DLL4: variants seen among roughly 807,000 people sequenced by gnomAD.
DLL4 encodes delta-like protein 4.
In DLL4, 7 loss-of-function variants were observed where a neutral mutation model predicts 73.6. The observed-to-expected ratio is 0.10, with a 90% CI of 0.05 to 0.18. The LOEUF (loss-of-function observed/expected upper bound fraction) is 0.18. Among genes scored for constraint, DLL4 ranks in the 10% least tolerant of loss-of-function variants. The probability of loss-of-function intolerance (pLI) is 1.00; values close to 1 mark genes in which losing one functional copy is unlikely to be tolerated. For synonymous variants in DLL4, 345 were observed against 374.3 expected, an observed-to-expected ratio of 0.92 and a Z score of 0.90; for missense variants, 614 against 929.9, an observed-to-expected ratio of 0.66 and a Z score of 4.42.
rs1251444751 is a variant in DLL4, at chr15:40,936,833, A to T, written c.1846A>T (p.Asn616Tyr). Residue 616 changes from asparagine (N) to tyrosine (Y), a missense_variant, in exon 9 of 11, where the codon AAT becomes TAT. Asn to Tyr is a moderately radical substitution (Grantham distance 143, BLOSUM62 -2). Transcript: ENST00000249749. ...ACAGCAAAACCACACATTGGACTAT[A>T]ATCTGGCCCCAGGGCCCCTGGGGCG... ...GKQQNHTLDY[N>Y]LAPGPLGRGT... 1 of 1,613,476 alleles carries T rather than the reference A, an allele frequency of 6.2e-7. No homozygotes were observed.
rs1210730074 is a variant in DLL4, at chr15:40,935,180, A to T, written c.1240+63A>T. 8.6e-5 allele frequency: 128 copies of T among 1,484,080 alleles called. 1 individual carries two copies. The highest frequency in any genetic ancestry group is 4.5e-5 in the Non-Finnish European group (49 of 1,095,364). The allele number at this position is 1,484,080 out of a possible 1,614,324, so 91.9% of individuals were successfully genotyped here. ...CTGGGGCTGAGAGAGACTTCTGGTG[A>T]GGGAGGGTCAGGAGAGGAGCGAGGC... On this transcript the variant is annotated intron_variant, in intron 8 of 10. Coordinates refer to ENST00000249749, the MANE Select transcript of DLL4 (RefSeq NM_019074.4).
At position 40,937,486 on chromosome 15, in the gene DLL4, T is replaced by TG; in HGVS notation, c.2013dup (p.Ile672AspfsTer7). The TG allele has an allele frequency of 6.2e-7, 1 of 1,613,714 alleles. No homozygotes were observed. Among genetic ancestry groups the TG allele is most frequent in the Middle Eastern group, 1.6e-4 (1 of 6,062 alleles). The stretch of plus-strand genomic sequence containing the variant: ...GACTCCATGTACCAGTCTGTGTGTT[T>TG]GATATCAGAGGAGAGGAATGAATGT... On this transcript the variant is annotated frameshift_variant, in exon 10 of 11. Transcript: ENST00000249749. LOFTEE classifies it high-confidence loss of function.
chr15:40,938,006 C>T (rs1196027251), intron 10 of DLL4, 23 bp from the exon 11 acceptor site: 6 of 1,602,788 alleles, frequency 3.7e-6, no homozygotes, highest in Middle Eastern at 1.7e-4. Flanking sequence ...TAACCTGTTT[C>T]CCTGCCTTCC....
chr15:40,930,806 G>A lies in DLL4; in HGVS notation c.394+124G>A. On this transcript the variant is annotated intron_variant, in intron 3 of 10. Transcript: ENST00000249749. The surrounding 1 kb of genome is among the most constrained non-coding windows in gnomAD (Gnocchi z 5.7). The stretch of plus-strand genomic sequence containing the variant: ...GGCAGGACGCTTAGCTTGGCCTGGA[G>A]CTGCGCCCCGCGCTGGACGCTCGGA... The A allele has an allele frequency of 1.0e-6, 1 of 962,902 alleles. No homozygotes were observed. Among genetic ancestry groups the A allele is most frequent in the South Asian group, 1.5e-5 (1 of 65,666 alleles). 59.6% of individuals were successfully genotyped at this position (962,902 alleles called of 1,614,324 possible). A position where few individuals can be genotyped will look rare whatever the true frequency, so the allele number is the denominator to read the frequency against.
In DLL4 at chr15:40,929,678, G is replaced by C; in HGVS notation, c.10G>C (p.Ala4Pro). ...AGCGACGCCCGAGGGGATGGCGGCA[G>C]CGTCCCGGAGCGCCTCTGGCTGGGC... MAA[A>P]SRSASGWALL... The change falls in exon 1 of 11, where the codon GCG becomes CCG. Residue 4 changes from alanine (A) to proline (P), a missense_variant. Physicochemically the swap from Ala to Pro is conservative, Grantham distance 27. This residue lies in a region of DLL4 where 227 missense variants were observed against 370.8 expected (regional missense o/e 0.61). Coordinates refer to ENST00000249749, the MANE Select transcript of DLL4 (RefSeq NM_019074.4). This position sits in a 1 kb window ranked among gnomAD's most constrained non-coding sequence, Gnocchi z 7.1. 1 of 1,552,896 alleles carries C rather than the reference G, an allele frequency of 6.4e-7. No homozygotes were observed. Among genetic ancestry groups the C allele is most frequent in the South Asian group, 1.2e-5 (1 of 84,054 alleles).
intron 9 of DLL4, 131 bp from the exon 10 acceptor site, chr15:40,937,287 C>T: frequency 1.4e-6 from 1 of 729,208 alleles, no homozygotes; most frequent in Non-Finnish European, 2.4e-6. Context: ...AGCAGCCCAG[C>T]ACTGGGCACG....
rs1892782585 is a variant in DLL4, at chr15:40,932,342, C to G, written c.745C>G (p.Leu249Val). The change falls in exon 6 of 11, where the codon CTG becomes GTG. Residue 249 changes from leucine to valine, a missense_variant. Leu to Val is a conservative substitution (Grantham distance 32, BLOSUM62 1). Coordinates refer to ENST00000249749, the MANE Select transcript of DLL4 (RefSeq NM_019074.4). The part of the protein sequence containing the change: ...CLCRPGWQGR[L>V]CNECIPHNGC... ...CTGCCGCCCAGGCTGGCAGGGCCGGCTGTGTAACGAATGCATCCCCCACAA... is the reference window on the plus strand; with the variant it reads ...CTGCCGCCCAGGCTGGCAGGGCCGGGTGTGTAACGAATGCATCCCCCACAA... 1.2e-6 allele frequency: 2 copies of G among 1,613,910 alleles called. No individual in the cohort carries two copies. The highest frequency in any genetic ancestry group is 1.3e-5 in the African/African-American group (1 of 74,950).
At position 40,931,618 on chromosome 15, in the gene DLL4, T is replaced by C. The variant is rs775140182; in HGVS notation, c.510T>C (p.Ser170=). Residue 170 remains serine, a synonymous_variant, in exon 4 of 11, where the codon TCT becomes TCC. Coordinates refer to ENST00000249749, the MANE Select transcript of DLL4 (RefSeq NM_019074.4). ...QTSTLTRLRY[S]YRVICSDNYY... ...GCACCCTCACAAGGCTGCGCTACTC[T>C]TACCGGGTCATCTGCAGTGACAACT... is the stretch of plus-strand genomic sequence containing the variant. 4.3e-6 allele frequency: 7 copies of C among 1,613,264 alleles called. No homozygotes were observed. The highest frequency in any genetic ancestry group is 5.1e-6 in the Non-Finnish European group (6 of 1,179,642).
chr15:40,938,348 T>G lies in DLL4; in HGVS notation c.*314T>G, dbSNP rs903925081. 1 of 285,008 alleles carries G rather than the reference T, an allele frequency of 3.5e-6. No individual in the cohort carries two copies. Among genetic ancestry groups the G allele is most frequent in the African/African-American group, 2.2e-5 (1 of 45,902 alleles). The allele number at this position is 285,008 out of a possible 1,614,324, so 17.7% of individuals were successfully genotyped here. ...CTCCTTCCGGGGCTCCGGCCTGTTTTCCAGAGAGAGTGGCAGTAGCCCCAT... is the reference window on the plus strand; with the variant it reads ...CTCCTTCCGGGGCTCCGGCCTGTTTGCCAGAGAGAGTGGCAGTAGCCCCAT... On this transcript the variant is annotated 3_prime_UTR_variant, in exon 11 of 11. Coordinates refer to ENST00000249749, the MANE Select transcript of DLL4 (RefSeq NM_019074.4).
Position 40,930,568 on chromosome 15 carries a change from C to T in DLL4, c.337-57C>T. The T allele has an allele frequency of 1.4e-6, 2 of 1,449,574 alleles. No homozygotes were observed. The highest frequency in any genetic ancestry group is 1.9e-6 in the Non-Finnish European group (2 of 1,034,764). 89.8% of individuals were successfully genotyped at this position (1,449,574 alleles called of 1,614,324 possible). ...TAAACAGGCTGCCGCAAGGCACCCC[C>T]ACCTCTCCCCGCTTGCTCATCTCGC... On this transcript the variant is annotated intron_variant, in intron 2 of 10. Coordinates refer to ENST00000249749, the MANE Select transcript of DLL4 (RefSeq NM_019074.4). This position sits in a 1 kb window ranked among gnomAD's most constrained non-coding sequence, Gnocchi z 5.7.
intron 6 of DLL4, among the ~76,000 whole-genome samples, chr15:40,933,807 G>T (rs1217546641): frequency 6.6e-6 from 1 of 152,030 alleles, no homozygotes; most frequent in Non-Finnish European, 1.5e-5. Context: ...GTGATTCAAG[G>T]TGCTTTAAGA....
chr15:40,934,425 G>A, intron 6 of DLL4, 123 bp from the exon 7 acceptor site: 1 of 844,814 alleles, frequency 1.2e-6, no homozygotes, highest in Non-Finnish European at 1.8e-6. Flanking sequence ...GGATGTTTGG[G>A]CCTGGGAGAC....
Position 40,938,130 on chromosome 15 carries a change from G to A in DLL4, c.*96G>A. 7.5e-7 allele frequency: 1 copy of A among 1,330,022 alleles called. No homozygotes were observed. The highest frequency in any genetic ancestry group is 1.0e-6 in the Non-Finnish European group (1 of 1,001,262). The allele number at this position is 1,330,022 out of a possible 1,614,324, so 82.4% of individuals were successfully genotyped here. ...ATCCTGGATGGGACGTTTTTCATAT[G>A]CAACGTGCTGCTCTCAGGAGGAGGA... On this transcript the variant is annotated 3_prime_UTR_variant, in exon 11 of 11. Transcript: ENST00000249749.
Position 40,938,060 on chromosome 15 carries a change from G to A in DLL4, c.*26G>A. On this transcript the variant is annotated 3_prime_UTR_variant, in exon 11 of 11. Transcript: ENST00000249749. ...GGCAGGAGCCTACCTGGACATCCCT[G>A]CTCAGCCCCGCGGCTGGACCTTCCT... The A allele has an allele frequency of 1.3e-6, 2 of 1,540,654 alleles. No individual in the cohort carries two copies. Among genetic ancestry groups the A allele is most frequent in the Middle Eastern group, 1.7e-4 (1 of 5,718 alleles).
Position 40,930,005 on chromosome 15 carries a change from C to T in DLL4, c.225C>T (p.Thr75=). 1 of 1,613,054 alleles carries T rather than the reference C, an allele frequency of 6.2e-7. No individual in the cohort carries two copies. The highest frequency in any genetic ancestry group is 8.5e-7 in the Non-Finnish European group (1 of 1,179,732). ...FQAVVSPGPC[T]FGTVSTPVLG... ...CGGTCGTCTCGCCCGGACCCTGCAC[C>T]TTCGGGACCGTCTCCACGCCGGTAT... The change falls in exon 2 of 11, where the codon ACC becomes ACT. Residue 75 remains threonine, a synonymous_variant. Transcript: ENST00000249749. This position sits in a 1 kb window ranked among gnomAD's most constrained non-coding sequence, Gnocchi z 5.7.
In DLL4 at chr15:40,937,361, C is replaced by T. The variant is rs1892859566; in HGVS notation, c.1944-57C>T. 4 of 1,257,230 alleles carry T rather than the reference C, an allele frequency of 3.2e-6. No individual in the cohort carries two copies. In the East Asian group the frequency reaches 9.3e-5, roughly 29 times the overall value. 77.9% of individuals were successfully genotyped at this position (1,257,230 alleles called of 1,614,324 possible). A position where few individuals can be genotyped will look rare whatever the true frequency, so the allele number is the denominator to read the frequency against. On this transcript the variant is annotated intron_variant, in intron 9 of 10. Coordinates refer to ENST00000249749, the MANE Select transcript of DLL4 (RefSeq NM_019074.4). The stretch of plus-strand genomic sequence containing the variant: ...TGCCCTTTGGCTCTCCAGGGTCCTC[C>T]CTCCCCCCAAGCCTCTCCCCGTCCC...
Position 40,932,568 on chromosome 15 carries a change from C to T in DLL4, c.850+121C>T, listed in dbSNP as rs546330012. The T allele has an allele frequency of 1.1e-5, 15 of 1,312,588 alleles. No individual in the cohort carries two copies. In the Admixed American group the frequency reaches 3.1e-4, roughly 27 times the overall value. The allele number at this position is 1,312,588 out of a possible 1,614,324, so 81.3% of individuals were successfully genotyped here. A position where few individuals can be genotyped will look rare whatever the true frequency, so the allele number is the denominator to read the frequency against. ...ACTGCAGACTTGGCTTTCCCATGAT[C>T]TTCCAAGGATCTTGGGTCTTTTAAG... On this transcript the variant is annotated intron_variant, in intron 6 of 10. Coordinates refer to ENST00000249749, the MANE Select transcript of DLL4 (RefSeq NM_019074.4).
rs1892850472 is a variant in DLL4 at position 40,936,669 on chromosome 15, A to T, written c.1682A>T (p.Asp561Val). 1 of 1,612,886 alleles carries T rather than the reference A, an allele frequency of 6.2e-7. No individual in the cohort carries two copies. Among genetic ancestry groups the T allele is most frequent in the Non-Finnish European group, 8.5e-7 (1 of 1,179,874 alleles). ...CGGCAGCTGCGGCTTCGACGGCCGG[A>T]CGACGGCAGCAGGGAAGCCATGAAC... is the stretch of plus-strand genomic sequence containing the variant. Reference protein sequence around the residue: ...AVRQLRLRRPDDGSREAMNNL... With the variant: ...AVRQLRLRRPVDGSREAMNNL... Residue 561 changes from aspartate (D) to valine (V), a missense_variant, in exon 9 of 11, where the codon GAC becomes GTC. Around this residue, in one of 3 missense-constraint regions of DLL4, gnomAD observed 386 missense variants for 541.3 expected, o/e 0.71. Coordinates refer to ENST00000249749, the MANE Select transcript of DLL4 (RefSeq NM_019074.4).
intron 4 of DLL4, among the ~76,000 whole-genome samples, 160 bp from the exon 5 acceptor site, chr15:40,932,011 G>A (rs968547857): frequency 2.6e-5 from 4 of 152,178 alleles, no homozygotes; most frequent in African/African-American, 9.7e-5. Context: ...CTCCTTCCCT[G>A]TGCCATTATT....
Sources: allele counts gnomAD v4.1 joint callset (sites outside exome capture counted in the v4.1 genomes callset), GRCh38; gene constraint gnomAD v4.1.1; regional missense constraint gnomAD v4.1.1; non-coding constraint Gnocchi (gnomAD v3.1); transcripts MANE v1.5; gene names NCBI Gene and HGNC (gene_info 2026-07-23, HGNC 2026-07-21).